The following CCR3 variants were observed in gnomAD, a reference collection of about 807,000 sequenced individuals.
CCR3 encodes the protein C-C chemokine receptor type 3.
For missense variants in CCR3, 419 were observed against 437.5 expected (o/e 0.96, Z 0.38); for synonymous variants, 203 against 179.2 (o/e 1.13, Z -1.06).
intron 1 of CCR3, among the ~76,000 whole-genome samples, chr3:46,255,512 A>G (rs1297923544): frequency 1.3e-5 from 2 of 151,900 alleles, no homozygotes; most frequent in African/African-American, 2.4e-5. Context: ...TATCTTCTAA[A>G]ATTTTTATGG....
rs115220725 is a variant in CCR3, at chr3:46,236,625, G to C, written c.-67-5777G>C. Among the ~76,000 whole-genome samples, 497 of 152,322 alleles carry C rather than the reference G, an allele frequency of 3.3e-3. 5 individuals carry two copies. The highest frequency in any genetic ancestry group is 0.011 in the African/African-American group (467 of 41,564). On this transcript the variant is annotated intron_variant, in intron 2 of 3. Coordinates refer to the CCR3 transcript ENST00000357422. ...CAGTTCCTCTAATTCTTCTCCACTG[G>C]TTCTGCTGGCCCTCTTGGGACTGCT... is the stretch of plus-strand genomic sequence containing the variant.
chr3:46,254,673 T>C (rs781712012), intron 1 of CCR3, among the ~76,000 whole-genome samples: 17 of 152,188 alleles, frequency 1.1e-4, no homozygotes, highest in Non-Finnish European at 1.6e-4. Flanking sequence ...AAGTCCATTT[T>C]ATCTTTCTTA....
chr3:46,233,874 G>A (rs1245454686), intron 2 of CCR3, among the ~76,000 whole-genome samples: 1 of 152,208 alleles, frequency 6.6e-6, no homozygotes, highest in Non-Finnish European at 1.5e-5. Context: ...CAAGCTCTGG[G>A]GTAGAGCCAG....
intron 1 of CCR3, among the ~76,000 whole-genome samples, chr3:46,248,496 C>T (rs1457049672): frequency 6.6e-6 from 1 of 152,130 alleles, no homozygotes; most frequent in East Asian, 1.9e-4. Context: ...TCTGACTGCA[C>T]TAACCATGCC....
chr3:46,234,592 G>A (rs1700003459), intron 2 of CCR3, among the ~76,000 whole-genome samples: 1 of 151,926 alleles, frequency 6.6e-6, no homozygotes, highest in South Asian at 2.1e-4. Flanking sequence ...TGCAATTGAT[G>A]AGCACTCATT....
intron 2 of CCR3, among the ~76,000 whole-genome samples, chr3:46,211,813 C>T (rs1699718734): frequency 6.6e-6 from 1 of 152,012 alleles, no homozygotes; most frequent in Non-Finnish European, 1.5e-5. Context: ...GAACCTCATA[C>T]CCAGAAGATT....
At chr3:46,263,009 G>C (rs1469988783) in intron 1 of CCR3, among the ~76,000 whole-genome samples, 4 of 152,180 alleles carry the variant, frequency 2.6e-5, no homozygotes, top group Admixed American at 1.3e-4. Context: ...GGACTTGGCT[G>C]CTGACTCTGG....
rs1165123967 is a variant in CCR3 at position 46,236,627 on chromosome 3, T to TCTGCTGGC, written c.-67-5773_-67-5766dup. Among the ~76,000 whole-genome samples the TCTGCTGGC allele has an allele frequency of 2.6e-5, 4 of 152,250 alleles. No individual in the cohort carries two copies. In the East Asian group the frequency reaches 7.7e-4, roughly 29 times the overall value. ...GTTCCTCTAATTCTTCTCCACTGGTTCTGCTGGCCCTCTTGGGACTGCTGG... is the reference window on the plus strand; with the variant it reads ...GTTCCTCTAATTCTTCTCCACTGGTTCTGCTGGCCTGCTGGCCCTCTTGGGACTGCTGG... On this transcript the variant is annotated intron_variant, in intron 2 of 3. Transcript: ENST00000357422.
At position 46,248,818 on chromosome 3, in the gene CCR3, T is replaced by A. The variant is rs576711569; in HGVS notation, c.-12+6280T>A. Among the ~76,000 whole-genome samples, 24 of 152,124 alleles carry A rather than the reference T, an allele frequency of 1.6e-4. No homozygotes were observed. The South Asian group carries it at 4.4e-3, about 28-fold the overall frequency. Reference sequence around the variant, plus strand: ...AGATCCAGAACAGAATAATGGGTAGTAGAGGGAGGTATTGAGGATAGGAGG... The same window carrying A: ...AGATCCAGAACAGAATAATGGGTAGAAGAGGGAGGTATTGAGGATAGGAGG... On this transcript the variant is annotated intron_variant, in intron 1 of 1. Transcript: ENST00000395940.
At chr3:46,232,812 G>C (rs557071443) in intron 2 of CCR3, among the ~76,000 whole-genome samples, 1 of 152,294 alleles carries the variant, frequency 6.6e-6, no homozygotes, top group African/African-American at 2.4e-5. Flanking sequence ...TTGTAGAATA[G>C]GCTATCTATC....
At chr3:46,260,790 G>A (rs1700511796) in intron 1 of CCR3, among the ~76,000 whole-genome samples, 1 of 152,208 alleles carries the variant, frequency 6.6e-6, no homozygotes, top group African/African-American at 2.4e-5. Context: ...CTTTTAGGCA[G>A]ATCACTTAAA....
chr3:46,261,525 A>T (rs1010083276), intron 1 of CCR3, among the ~76,000 whole-genome samples: 1 of 152,222 alleles, frequency 6.6e-6, no homozygotes, highest in Non-Finnish European at 1.5e-5. Context: ...CTCTGACCCC[A>T]GGGAATGTGA....
chr3:46,232,816 A>C (rs575346258), intron 2 of CCR3, among the ~76,000 whole-genome samples: 1 of 152,280 alleles, frequency 6.6e-6, no homozygotes, highest in East Asian at 1.9e-4. Context: ...AGAATAGGCT[A>C]TCTATCAGGG....
At chr3:46,248,006 A>G (rs908079884) in intron 1 of CCR3, among the ~76,000 whole-genome samples, 5 of 152,190 alleles carry the variant, frequency 3.3e-5, no homozygotes, top group African/African-American at 1.2e-4. Flanking sequence ...GTACTATAGC[A>G]TAGCCTGCCT....
chr3:46,257,786 C>T (rs1700456131), intron 1 of CCR3, among the ~76,000 whole-genome samples: 1 of 152,112 alleles, frequency 6.6e-6, no homozygotes, highest in African/African-American at 2.4e-5. Flanking sequence ...CCACAACAGA[C>T]CATCTACAAG....
intron 2 of CCR3, among the ~76,000 whole-genome samples, chr3:46,233,930 T>A (rs75085122): frequency 0.022 from 3,348 of 152,230 alleles, 112 homozygotes; most frequent in African/African-American, 0.067. Flanking sequence ...CCTCATTGAG[T>A]CTCAGCTTCC....
chr3:46,251,235 C>T (rs540481408), intron 1 of CCR3, among the ~76,000 whole-genome samples: 1 of 152,086 alleles, frequency 6.6e-6, no homozygotes, highest in Non-Finnish European at 1.5e-5. Context: ...GAGAGGCGTC[C>T]CTGCAATGAT....
intron 2 of CCR3, among the ~76,000 whole-genome samples, chr3:46,214,952 G>T (rs1024741419): frequency 2.0e-5 from 3 of 152,180 alleles, no homozygotes; most frequent in Non-Finnish European, 2.9e-5. Flanking sequence ...CTGGCAGAGA[G>T]CCTGAGAGCA....
chr3:46,258,088 C>T (rs946910338), intron 1 of CCR3, among the ~76,000 whole-genome samples: 1 of 152,308 alleles, frequency 6.6e-6, no homozygotes, highest in East Asian at 1.9e-4. Flanking sequence ...TCTTTCCCAC[C>T]TAATCCACTC....
Sources: gnomAD v4.1 joint callset for allele counts (sites outside exome capture counted in the v4.1 genomes callset) on GRCh38, gnomAD v4.1.1 for gene constraint, MANE v1.5 for transcripts, NCBI Gene and HGNC (gene_info 2026-07-23, HGNC 2026-07-21) for gene names.